The following RBFOX1 variants were observed in gnomAD, a reference collection of about 807,000 sequenced individuals.
The protein encoded by RBFOX1 is RNA binding fox-1 homolog 1, also known as RNA binding protein fox-1 homolog 1.
RBFOX1 carries 8 observed loss-of-function variants against 57.7 expected under a neutral mutation model. The observed-to-expected ratio is 0.14, with a 90% CI of 0.08 to 0.25. The LOEUF is 0.25. Ranked by LOEUF, RBFOX1 falls within the 10% of genes least tolerant of loss-of-function variation. The pLI, the probability that RBFOX1 is intolerant of heterozygous loss-of-function variation, is 1.00. For missense variants in RBFOX1, 611 were observed against 548.5 expected (o/e 1.11, Z -1.14); for synonymous variants, 326 against 222.4 (o/e 1.47, Z -4.15).
chr16:5,537,634 G>A (rs1458764130), intron 2 of RBFOX1, among the ~76,000 whole-genome samples: 1 of 152,216 alleles, frequency 6.6e-6, no homozygotes, highest in African/African-American at 2.4e-5. Context: ...CCAGCCTGGA[G>A]TAGCCATTAT....
chr16:6,811,893 A>AT (rs2088715994), intron 3 of RBFOX1, among the ~76,000 whole-genome samples: 1 of 152,204 alleles, frequency 6.6e-6, no homozygotes, highest in African/African-American at 2.4e-5. Context: ...CCATCTCAAA[A>AT]TATAAATAAA....
At position 5,673,920 on chromosome 16, in the gene RBFOX1, C is replaced by G. The variant is rs1054777522; in HGVS notation, c.318+74959C>G. ...TTCTCTTCTGCATCAAGGCTGGTTA[C>G]AAAACCGAAAGGGGGAATGAGGAAG... On this transcript the variant is annotated intron_variant, in intron 3 of 19. Coordinates refer to the RBFOX1 transcript ENST00000641259. Among the ~76,000 whole-genome samples, 10 of 152,200 alleles carry G rather than the reference C, an allele frequency of 6.6e-5. No homozygotes were observed. The East Asian group carries it at 7.7e-4, about 12-fold the overall frequency.
intron 4 of RBFOX1, among the ~76,000 whole-genome samples, chr16:7,132,714 C>T (rs773824278): frequency 2.0e-5 from 3 of 151,776 alleles, no homozygotes; most frequent in Non-Finnish European, 4.4e-5. Flanking sequence ...TTATGCTAAG[C>T]GAAATCAACC....
At position 7,474,987 on chromosome 16, in the gene RBFOX1, C is replaced by A. The variant is rs566263126; in HGVS notation, c.28-43160C>A. On this transcript the variant is annotated intron_variant, in intron 4 of 15. Coordinates refer to ENST00000550418, the MANE Select transcript of RBFOX1 (RefSeq NM_018723.4). Reference sequence around the variant, plus strand: ...ATCTTTCCCTTTGATTTTTGAATGTCCCAGGATGGTACTCTAGATGGTTCC... The same window carrying A: ...ATCTTTCCCTTTGATTTTTGAATGTACCAGGATGGTACTCTAGATGGTTCC... Among the ~76,000 whole-genome samples the A allele has an allele frequency of 2.0e-5, 3 of 152,268 alleles. No individual in the cohort carries two copies. In the East Asian group the frequency reaches 5.8e-4, roughly 29 times the overall value.
At chr16:5,684,446 C>T (rs963471316) in intron 3 of RBFOX1, among the ~76,000 whole-genome samples, 10 of 152,126 alleles carry the variant, frequency 6.6e-5, no homozygotes, top group Non-Finnish European at 1.3e-4. Context: ...GCAACTCCCA[C>T]GTGGCACCAG....
intron 3 of RBFOX1, among the ~76,000 whole-genome samples, chr16:5,677,102 G>T (rs1299831660): frequency 6.6e-6 from 1 of 152,186 alleles, no homozygotes; most frequent in Non-Finnish European, 1.5e-5. Context: ...CAGTCATTAT[G>T]GAGGGCAAGG....
chr16:6,084,533 T>G (rs2152515958), intron 1 of RBFOX1, among the ~76,000 whole-genome samples: 1 of 152,304 alleles, frequency 6.6e-6, no homozygotes, highest in East Asian at 1.9e-4. Flanking sequence ...CAAAAACCAC[T>G]GCACCTGGCC....
intron 2 of RBFOX1, among the ~76,000 whole-genome samples, chr16:5,536,228 CTT>C (rs57061495): frequency 9.7e-6 from 1 of 103,534 alleles, no homozygotes; most frequent in Non-Finnish European, 1.9e-5. Flanking sequence ...AATCTCCTGT[CTT>C]TTTTTTTTTT....
At chr16:5,380,573 G>A (rs2066106018) in intron 1 of RBFOX1, among the ~76,000 whole-genome samples, 1 of 152,190 alleles carries the variant, frequency 6.6e-6, no homozygotes, top group African/African-American at 2.4e-5. Context: ...ACAAGACTAG[G>A]GTGTGAAAGC....
rs77714903 is a variant in RBFOX1 at position 6,830,410 on chromosome 16, T to C, written c.-16+175760T>C. Reference sequence around the variant, plus strand: ...GAATTTTACTAACGGGAAGTAATAATAGATCAATGAAGAAAAATGTCACAG... The same window carrying C: ...GAATTTTACTAACGGGAAGTAATAACAGATCAATGAAGAAAAATGTCACAG... On this transcript the variant is annotated intron_variant, in intron 3 of 15. Transcript: ENST00000550418. Among the ~76,000 whole-genome samples, 281 of 152,248 alleles carry C rather than the reference T, an allele frequency of 1.8e-3. 7 individuals are homozygous for C. In the East Asian group the frequency reaches 0.047, roughly 25 times the overall value.
At chr16:5,494,219 G>A (rs779839052) in intron 2 of RBFOX1, among the ~76,000 whole-genome samples, 1 of 152,162 alleles carries the variant, frequency 6.6e-6, no homozygotes, top group African/African-American at 2.4e-5. Context: ...TGTCTCCTTG[G>A]CGGATGCTAC....
intron 4 of RBFOX1, among the ~76,000 whole-genome samples, chr16:7,287,011 G>A (rs933109775): frequency 6.6e-6 from 1 of 152,144 alleles, no homozygotes; most frequent in Non-Finnish European, 1.5e-5. Flanking sequence ...GAACATGAAC[G>A]CAGGCAATGC....
At chr16:6,133,557 T>C (rs1015175964) in intron 1 of RBFOX1, among the ~76,000 whole-genome samples, 2 of 152,176 alleles carry the variant, frequency 1.3e-5, no homozygotes, top group Non-Finnish European at 2.9e-5. Flanking sequence ...CCCTCCCCAT[T>C]AGTTCTTTCA....
rs758704967 is a variant in RBFOX1, at chr16:7,306,574, G to GGTGT, written c.28-211571_28-211568dup. The stretch of plus-strand genomic sequence containing the variant: ...TGATACTATGACATAATGTGGGAAT[G>GGTGT]GTGTGCGTGTGTGTGTGTGTGTGTG... On this transcript the variant is annotated intron_variant, in intron 4 of 15. Coordinates refer to ENST00000550418, the MANE Select transcript of RBFOX1 (RefSeq NM_018723.4). Among the ~76,000 whole-genome samples the GGTGT allele has an allele frequency of 9.6e-5, 6 of 62,708 alleles. No homozygotes were observed. In the Admixed American group the frequency reaches 1.3e-3, roughly 13 times the overall value. The allele number at this position is 62,708 out of a possible 152,430, so 41.1% of individuals were successfully genotyped here. A position where few individuals can be genotyped will look rare whatever the true frequency, so the allele number is the denominator to read the frequency against.
At chr16:7,280,006 C>A (rs542270679) in intron 4 of RBFOX1, among the ~76,000 whole-genome samples, 1 of 152,190 alleles carries the variant, frequency 6.6e-6, no homozygotes, top group East Asian at 1.9e-4. Flanking sequence ...ACTCCATGGC[C>A]AGCGCCACAT....
chr16:7,315,937 A>C (rs142887717), intron 4 of RBFOX1, among the ~76,000 whole-genome samples: 2 of 152,318 alleles, frequency 1.3e-5, no homozygotes, highest in Admixed American at 1.3e-4. Flanking sequence ...CCCCAAACAG[A>C]AGAAACAAGC....
At chr16:7,344,422 CAAT>C (rs1391885707) in intron 4 of RBFOX1, among the ~76,000 whole-genome samples, 4 of 149,200 alleles carry the variant, frequency 2.7e-5, no homozygotes, top group African/African-American at 7.4e-5. Context: ...ATAATATATG[CAAT>C]AATATGTATT....
At chr16:6,494,204 A>T (rs7201579) in intron 2 of RBFOX1, among the ~76,000 whole-genome samples, 1 of 152,060 alleles carries the variant, frequency 6.6e-6, no homozygotes, top group Non-Finnish European at 1.5e-5. Context: ...GCTGCAATCC[A>T]CTGACCTTAT....
chr16:7,555,396 A>G (rs972756077), intron 5 of RBFOX1, among the ~76,000 whole-genome samples: 1 of 152,204 alleles, frequency 6.6e-6, no homozygotes, highest in Non-Finnish European at 1.5e-5. Flanking sequence ...CACCAGTGTT[A>G]CCTTCCTCGT....
Sources: gnomAD v4.1 joint callset for allele counts (sites outside exome capture counted in the v4.1 genomes callset) on GRCh38, gnomAD v4.1.1 for gene constraint, MANE v1.5 for transcripts, NCBI Gene and HGNC (gene_info 2026-07-23, HGNC 2026-07-21) for gene names.